Variants in PARD3B observed in about 807,000 individuals in gnomAD.
PARD3B encodes par-3 family cell polarity regulator beta, also known as partitioning defective 3 homolog B.
A neutral mutation model predicts 130.2 loss-of-function variants in PARD3B; 103 were observed. The observed-to-expected ratio is 0.79, with a 90% CI of 0.67 to 0.93. PARD3B has a LOEUF of 0.93. Among genes scored for constraint, PARD3B ranks in the 40% least tolerant of loss-of-function variants. The probability of loss-of-function intolerance (pLI) is 0.00; values close to 1 mark genes in which losing one functional copy is unlikely to be tolerated. For synonymous variants in PARD3B, 583 were observed against 553.2 expected (o/e 1.05, Z -0.76); for missense variants, 1,609 against 1,499.2 (o/e 1.07, Z -1.21).
At chr2:205,179,906 C>T (rs1292833294) in intron 13 of PARD3B, among the ~76,000 whole-genome samples, 1 of 151,872 alleles carries the variant, frequency 6.6e-6, no homozygotes, top group Non-Finnish European at 1.5e-5. Flanking sequence ...ATACAATAAT[C>T]ATTTGGTTTG....
chr2:204,642,010 A>T (rs1014674179), intron 1 of PARD3B, among the ~76,000 whole-genome samples: 1 of 152,220 alleles, frequency 6.6e-6, no homozygotes, highest in Admixed American at 6.5e-5. Context: ...TCAGAAAAAA[A>T]AATAGCCTGG....
chr2:205,202,115 G>A (rs1264207103), intron 15 of PARD3B, among the ~76,000 whole-genome samples: 1 of 151,966 alleles, frequency 6.6e-6, no homozygotes, highest in African/African-American at 2.4e-5. Flanking sequence ...CCAACATTTG[G>A]ATTAACCAAA....
At chr2:205,385,380 C>T (rs9973410) in intron 18 of PARD3B, among the ~76,000 whole-genome samples, 11,676 of 151,982 alleles carry the variant, frequency 0.077, 1,452 homozygotes, top group African/African-American at 0.26. Context: ...TTAACAAAAA[C>T]GTTTTATGTT....
At chr2:204,998,422 A>G (rs1215819156) in intron 3 of PARD3B, among the ~76,000 whole-genome samples, 2 of 28,590 alleles carry the variant, frequency 7.0e-5, no homozygotes, top group South Asian at 1.2e-3. Flanking sequence ...ATATGTATAT[A>G]TGTGTATATA....
At chr2:205,340,252 A>C (rs1249335779) in intron 18 of PARD3B, among the ~76,000 whole-genome samples, 1 of 152,120 alleles carries the variant, frequency 6.6e-6, no homozygotes, top group Non-Finnish European at 1.5e-5. Context: ...AAATAGAAAA[A>C]TTCCTAAAAT....
intron 22 of PARD3B, among the ~76,000 whole-genome samples, chr2:205,586,741 G>A (rs7606287): frequency 0.32 from 48,735 of 151,932 alleles, 8,052 homozygotes; most frequent in Middle Eastern, 0.42. Flanking sequence ...ACATTGCCTA[G>A]TATTTGATGC....
At chr2:205,073,272 G>C (rs888910103) in intron 4 of PARD3B, among the ~76,000 whole-genome samples, 1 of 151,916 alleles carries the variant, frequency 6.6e-6, no homozygotes, top group African/African-American at 2.4e-5. Context: ...TGTAAATCAG[G>C]GTGTGTTTTA....
intron 19 of PARD3B, among the ~76,000 whole-genome samples, chr2:205,431,377 C>T (rs918958001): frequency 4.6e-5 from 7 of 151,616 alleles, no homozygotes; most frequent in Admixed American, 2.6e-4. Flanking sequence ...ATGCCCAGCC[C>T]GAAACTTGAT....
intron 18 of PARD3B, among the ~76,000 whole-genome samples, chr2:205,322,521 T>A (rs1416067021): frequency 6.6e-6 from 1 of 152,206 alleles, no homozygotes; most frequent in Non-Finnish European, 1.5e-5. Context: ...GTAGTATCCA[T>A]GTGTGTTCCT....
At chr2:204,837,566 C>T (rs1278226030) in intron 2 of PARD3B, among the ~76,000 whole-genome samples, 3 of 151,882 alleles carry the variant, frequency 2.0e-5, no homozygotes, top group Non-Finnish European at 4.4e-5. Context: ...ATTACAGGCA[C>T]GTGTCACCAT....
At chr2:205,607,910 CCTT>C (rs1172854944) in intron 22 of PARD3B, among the ~76,000 whole-genome samples, 3 of 151,164 alleles carry the variant, frequency 2.0e-5, no homozygotes, top group Non-Finnish European at 4.4e-5. Context: ...GTTTAAGTCT[CCTT>C]CGTTGTACTC....
At position 204,784,613 on chromosome 2, in the gene PARD3B, G is replaced by A. The variant is rs141680857; in HGVS notation, c.222+98331G>A. Among the ~76,000 whole-genome samples, 479 of 152,248 alleles carry A rather than the reference G, an allele frequency of 3.1e-3. 5 individuals carry two copies. Among genetic ancestry groups the A allele is most frequent in the African/African-American group, 8.9e-3 (369 of 41,560 alleles). ...TAAGAAGAGAAATCATTTGTGTTAC[G>A]TACTGAAGGTTGATGTTGGGTACCA... On this transcript the variant is annotated intron_variant, in intron 2 of 22. Coordinates refer to ENST00000406610, the MANE Select transcript of PARD3B (RefSeq NM_001302769.2).
chr2:204,883,261 T>A (rs1288630868), intron 2 of PARD3B, among the ~76,000 whole-genome samples: 1 of 151,380 alleles, frequency 6.6e-6, no homozygotes, highest in Non-Finnish European at 1.5e-5. Context: ...TTAGTCTCTG[T>A]CATTGTGTTA....
chr2:205,083,261 G>A (rs1701539372), intron 4 of PARD3B, among the ~76,000 whole-genome samples: 1 of 150,548 alleles, frequency 6.6e-6, no homozygotes, highest in Admixed American at 6.6e-5. Context: ...GTACTAGACT[G>A]TTATATAGTA....
rs774465560 is a variant in PARD3B, at chr2:205,407,679, C to T, written c.2741+6556C>T. Among the ~76,000 whole-genome samples, 1 of 152,114 alleles carries T rather than the reference C, an allele frequency of 6.6e-6. No individual in the cohort carries two copies. Among genetic ancestry groups the T allele is most frequent in the Admixed American group, 6.5e-5 (1 of 15,272 alleles). On this transcript the variant is annotated intron_variant, in intron 19 of 22. Transcript: ENST00000406610. The surrounding 1 kb of genome is among the most constrained non-coding windows in gnomAD (Gnocchi z 4.1). ...GTTAAAAGAAAAATATGTCCCCCTC[C>T]TCATCATTAATTTAGTATTACTATC... is the stretch of plus-strand genomic sequence containing the variant.
chr2:204,789,287 G>C (rs1048199792), intron 2 of PARD3B, among the ~76,000 whole-genome samples: 1 of 152,100 alleles, frequency 6.6e-6, no homozygotes, highest in African/African-American at 2.4e-5. Flanking sequence ...CTGGTTTCAG[G>C]TGATTCTCTC....
At chr2:205,191,897 A>C (rs2036419455) in intron 14 of PARD3B, among the ~76,000 whole-genome samples, 1 of 152,062 alleles carries the variant, frequency 6.6e-6, no homozygotes, top group Non-Finnish European at 1.5e-5. Context: ...TTTGTCACCC[A>C]AGCTGGAGGG....
chr2:205,040,317 C>T (rs1445554041), intron 3 of PARD3B, among the ~76,000 whole-genome samples: 6 of 152,192 alleles, frequency 3.9e-5, no homozygotes, highest in Non-Finnish European at 7.3e-5. Flanking sequence ...TACAGGTCTA[C>T]ACTGGCACTT....
At position 204,799,754 on chromosome 2, in the gene PARD3B, T is replaced by G. The variant is rs1239867942; in HGVS notation, c.222+113472T>G. Among the ~76,000 whole-genome samples the G allele has an allele frequency of 6.6e-6, 1 of 152,098 alleles. No homozygotes were observed. Among genetic ancestry groups the G allele is most frequent in the Non-Finnish European group, 1.5e-5 (1 of 68,008 alleles). On this transcript the variant is annotated intron_variant, in intron 2 of 22. Transcript: ENST00000406610. The surrounding 1 kb of genome is among the most constrained non-coding windows in gnomAD (Gnocchi z 4.1). ...ATCCAGGGACTTCTCCCAGATCTTATCCAAGACCACCAAGATGGTACCTGT... is the reference window on the plus strand; with the variant it reads ...ATCCAGGGACTTCTCCCAGATCTTAGCCAAGACCACCAAGATGGTACCTGT...
Sources: gnomAD v4.1 joint callset for allele counts (sites outside exome capture counted in the v4.1 genomes callset) on GRCh38, gnomAD v4.1.1 for gene constraint, Gnocchi (gnomAD v3.1) non-coding constraint, MANE v1.5 for transcripts, NCBI Gene and HGNC (gene_info 2026-07-23, HGNC 2026-07-21) for gene names.